The following CPNE5 variants were observed in gnomAD, a reference collection of about 807,000 sequenced individuals.
CPNE5 encodes copine 5.
A neutral mutation model predicts 81.1 loss-of-function variants in CPNE5; 42 were observed. The ratio of observed to expected loss-of-function variants is 0.52; its 90% CI spans 0.40 to 0.67. The LOEUF is 0.67. Ranked by LOEUF, CPNE5 falls within the 30% of genes least tolerant of loss-of-function variation. The pLI is 0.00. For missense variants in CPNE5, 612 were observed against 815.5 expected, an observed-to-expected ratio of 0.75 and a Z score of 3.04; for synonymous variants, 313 against 321.5, an observed-to-expected ratio of 0.97 and a Z score of 0.28.
chr6:36,789,486 G>A (rs1768896933), intron 8 of CPNE5, among the ~76,000 whole-genome samples: 1 of 152,230 alleles, frequency 6.6e-6, no homozygotes, highest in Non-Finnish European at 1.5e-5. Context: ...TGGGCTAGAA[G>A]CTTGGGGAAA....
intron 3 of CPNE5, among the ~76,000 whole-genome samples, chr6:36,804,557 C>G (rs1414859731): frequency 6.6e-6 from 1 of 152,178 alleles, no homozygotes; most frequent in Non-Finnish European, 1.5e-5. Context: ...TCTCACTACA[C>G]TTGCCCTCCT....
chr6:36,830,106 C>G (rs1312149754), intron 1 of CPNE5, among the ~76,000 whole-genome samples: 1 of 152,168 alleles, frequency 6.6e-6, no homozygotes, highest in Non-Finnish European at 1.5e-5. Flanking sequence ...ATAGGCAAGG[C>G]CACAGAGGCT....
At chr6:36,817,459 C>A (rs1364226077) in intron 3 of CPNE5, among the ~76,000 whole-genome samples, 1 of 152,170 alleles carries the variant, frequency 6.6e-6, no homozygotes, top group Non-Finnish European at 1.5e-5. Context: ...AGGTCAGCCT[C>A]CTTGATCTCT....
intron 20 of CPNE5, chr6:36,743,031 C>T: frequency 1.0e-6 from 1 of 985,430 alleles, no homozygotes; most frequent in African/African-American, 1.7e-5. Context: ...GTCCCACCTC[C>T]CAGGTTGTCT....
chr6:36,798,570 T>A, intron 4 of CPNE5, 76 bp from the exon 5 acceptor site: 4 of 1,360,788 alleles, frequency 2.9e-6, no homozygotes, highest in Non-Finnish European at 4.2e-6. Flanking sequence ...TCAAGTTGAG[T>A]CAGGGCCCCT....
At chr6:36,837,702 G>C (rs1024356296) in intron 1 of CPNE5, among the ~76,000 whole-genome samples, 4 of 152,108 alleles carry the variant, frequency 2.6e-5, no homozygotes, top group Admixed American at 1.3e-4. Context: ...CAGGAGTGGG[G>C]GGATCATGAA....
Position 36,743,123 on chromosome 6 carries a change from G to A in CPNE5, c.1563+566C>T, listed in dbSNP as rs563518140. 1.7e-5 allele frequency: 17 copies of A among 985,416 alleles called. No individual in the cohort carries two copies. The South Asian group carries it at 3.3e-4, about 19-fold the overall frequency. The allele number at this position is 985,416 out of a possible 1,614,324, so 61.0% of individuals were successfully genotyped here. A position where few individuals can be genotyped will look rare whatever the true frequency, so the allele number is the denominator to read the frequency against. On this transcript the variant is annotated intron_variant, in intron 20 of 20. Transcript: ENST00000244751. ...ATTTTTAAACCAAGGGGGTATGCAG[G>A]ATGTCAGCTTTGTCTTCTGCATCTC...
At chr6:36,834,283 G>A (rs1419863527) in intron 1 of CPNE5, among the ~76,000 whole-genome samples, 14 of 75,390 alleles carry the variant, frequency 1.9e-4, no homozygotes, top group South Asian at 1.2e-3. Context: ...AAAAAAGGAA[G>A]GAAGGGAGGG....
chr6:36,753,028 T>C lies in CPNE5; in HGVS notation c.971+6A>G. Reference sequence around the variant, plus strand: ...GGCCCATGAAATTGGCTGTATCTCTTCTCACCCTCCTTTGATGTAGTCAAG... The same window carrying C: ...GGCCCATGAAATTGGCTGTATCTCTCCTCACCCTCCTTTGATGTAGTCAAG... On this transcript the variant is annotated splice_donor_region_variant and intron_variant, in intron 14 of 20. Transcript: ENST00000244751. 1 of 1,609,354 alleles carries C rather than the reference T, an allele frequency of 6.2e-7. No homozygotes were observed. Among genetic ancestry groups the C allele is most frequent in the Non-Finnish European group, 8.5e-7 (1 of 1,176,082 alleles).
intron 6 of CPNE5, among the ~76,000 whole-genome samples, chr6:36,795,709 A>T (rs1233711473): frequency 6.6e-6 from 1 of 152,136 alleles, no homozygotes; most frequent in African/African-American, 2.4e-5. Context: ...TGAGAAAATC[A>T]ATTTTTCTTA....
At chr6:36,815,618 C>T (rs1273532748) in intron 3 of CPNE5, among the ~76,000 whole-genome samples, 3 of 152,156 alleles carry the variant, frequency 2.0e-5, no homozygotes, top group Admixed American at 2.0e-4. Context: ...TATAAGCTAC[C>T]CAGTTTATGG....
At chr6:36,744,913 G>A in intron 18 of CPNE5, 135 bp downstream of exon 18, 1 of 666,388 alleles carries the variant, frequency 1.5e-6, no homozygotes, top group Non-Finnish European at 2.7e-6. Flanking sequence ...GTGAGGCAGG[G>A]AAATGAGAAG....
At chr6:36,744,482 A>C in intron 18 of CPNE5, 157 bp from the exon 19 acceptor site, 1 of 647,264 alleles carries the variant, frequency 1.5e-6, no homozygotes, top group Non-Finnish European at 2.8e-6. Context: ...GGGTAGGGAG[A>C]GGGAGGGCAC....
At chr6:36,830,419 G>C (rs372204427) in intron 1 of CPNE5, among the ~76,000 whole-genome samples, 3 of 152,170 alleles carry the variant, frequency 2.0e-5, no homozygotes. Flanking sequence ...AAAGCAGGGC[G>C]GGAGCTGGGA....
intron 4 of CPNE5, 105 bp from the exon 5 acceptor site, chr6:36,798,599 C>T: frequency 1.1e-6 from 1 of 919,890 alleles, no homozygotes. Context: ...AAAAACAGGT[C>T]CCAACACAGT....
intron 11 of CPNE5, among the ~76,000 whole-genome samples, chr6:36,764,774 C>G (rs535665819): frequency 6.6e-6 from 1 of 152,272 alleles, no homozygotes; most frequent in East Asian, 1.9e-4. Context: ...CGTAGCTCTC[C>G]CTTCCCACAG....
chr6:36,785,819 C>T (rs1343930030), intron 8 of CPNE5, among the ~76,000 whole-genome samples: 1 of 152,106 alleles, frequency 6.6e-6, no homozygotes, highest in Non-Finnish European at 1.5e-5. Flanking sequence ...TCAAAATCAG[C>T]CTGGCCAACA....
chr6:36,797,541 G>A (rs549982257), intron 6 of CPNE5, among the ~76,000 whole-genome samples: 1 of 152,338 alleles, frequency 6.6e-6, no homozygotes, highest in South Asian at 2.1e-4. Context: ...CTGAGAAATA[G>A]GGACAAGAGA....
chr6:36,829,809 T>A (rs570183612), intron 1 of CPNE5, among the ~76,000 whole-genome samples: 1 of 46,202 alleles, frequency 2.2e-5, no homozygotes, highest in African/African-American at 7.9e-5. Context: ...TGTGGCTCCA[T>A]CTCAAAAAAA....
Sources: allele counts gnomAD v4.1 joint callset (sites outside exome capture counted in the v4.1 genomes callset), GRCh38; gene constraint gnomAD v4.1.1; transcripts MANE v1.5; gene names NCBI Gene and HGNC (gene_info 2026-07-23, HGNC 2026-07-21).